The following IL3RA variants were observed in gnomAD, a reference collection of about 807,000 sequenced individuals.
IL3RA encodes interleukin 3 receptor subunit alpha.
Under a neutral mutation model 52.3 loss-of-function variants are expected in IL3RA, and 73 were observed. That is an observed-to-expected ratio of 1.40 (90% CI 1.16 to 1.70). IL3RA has a LOEUF of 1.70. IL3RA is among the 40% of genes most tolerant of loss of function. IL3RA has a pLI of 0.00. For missense variants in IL3RA, 664 were observed against 504.4 expected (o/e 1.32, Z -3.03); for synonymous variants, 260 against 194.0 (o/e 1.34, Z -2.83).
In IL3RA at chrX:1,353,863, A is replaced by G. The variant is rs1252084970; in HGVS notation, c.616+1357A>G. On this transcript the variant is annotated intron_variant, in intron 6 of 11. Coordinates refer to ENST00000331035, the MANE Select transcript of IL3RA (RefSeq NM_002183.4). ...GGGAACCCCCATCATGGGTTTCATC[A>G]TGGGTCATAGGATCCCCTATCATGG... is the stretch of plus-strand genomic sequence containing the variant. Among the ~76,000 whole-genome samples the G allele has an allele frequency of 4.1e-5, 5 of 120,722 alleles. No homozygotes were observed. In the East Asian group the frequency reaches 1.3e-3, roughly 31 times the overall value. The allele number at this position is 120,722 out of a possible 152,430, so 79.2% of individuals were successfully genotyped here.
intron 6 of IL3RA, among the ~76,000 whole-genome samples, chrX:1,353,189 A>AC (rs1206069951): frequency 1.2e-3 from 152 of 123,658 alleles, no homozygotes; most frequent in South Asian, 5.2e-3. Context: ...GGGTCATGGG[A>AC]CCCCCCATCA....
chrX:1,382,646 G>T lies in IL3RA; in HGVS notation c.*181G>T, dbSNP rs187374923. 11 of 632,772 alleles carry T rather than the reference G, an allele frequency of 1.7e-5. No individual in the cohort carries two copies. The highest frequency in any genetic ancestry group is 1.7e-4 in the African/African-American group (9 of 53,922). 39.2% of individuals were successfully genotyped at this position (632,772 alleles called of 1,614,324 possible). ...CTGCCAGGAAGAAGAACAGAACTTT[G>T]TGTGTTTATTTCATGATAAAGTGAT... On this transcript the variant is annotated 3_prime_UTR_variant, in exon 12 of 12. Transcript: ENST00000331035.
At chrX:1,342,967 C>T (rs1339763748) in intron 2 of IL3RA, among the ~76,000 whole-genome samples, 6 of 151,614 alleles carry the variant, frequency 4.0e-5, no homozygotes, top group South Asian at 2.1e-4. Flanking sequence ...CCCAGTTACT[C>T]GGGAGGCTGA....
rs776245563 is a variant in IL3RA at position 1,347,211 on chromosome X, C to T, written c.184-1220C>T. ...CCTGTCATCCCAGCACTTTGGAGGC[C>T]GAGGCGGGTGGATCACGAGGTCAGG... On this transcript the variant is annotated intron_variant, in intron 3 of 11. Coordinates refer to ENST00000331035, the MANE Select transcript of IL3RA (RefSeq NM_002183.4). Among the ~76,000 whole-genome samples, 14 of 151,276 alleles carry T rather than the reference C, an allele frequency of 9.3e-5. No homozygotes were observed. In the South Asian group the frequency reaches 1.0e-3, roughly 11 times the overall value.
intron 11 of IL3RA, 65 bp downstream of exon 11, chrX:1,381,169 C>T (rs1307925164): frequency 2.6e-5 from 38 of 1,437,162 alleles, no homozygotes; most frequent in Middle Eastern, 1.8e-4. Context: ...GAGGCCCAGG[C>T]GGGCGGACCA....
At position 1,378,671 on chromosome X, in the gene IL3RA, A is replaced by C; in HGVS notation, c.887A>C (p.Glu296Ala). The C allele has an allele frequency of 6.2e-7, 1 of 1,612,358 alleles. No individual in the cohort carries two copies. The highest frequency in any genetic ancestry group is 8.5e-7 in the Non-Finnish European group (1 of 1,179,684). Reference sequence around the variant, plus strand: ...CCTTTACCCCTAGAGTGCGACCAGGAGGAGGGCGCAAACACACGTGCCTGG... The same window carrying C: ...CCTTTACCCCTAGAGTGCGACCAGGCGGAGGGCGCAAACACACGTGCCTGG... The part of the protein sequence containing the change: ...STPQRFECDQ[E>A]EGANTRAWRT... Residue 296 changes from glutamate to alanine, a missense_variant, in exon 10 of 12, where the codon GAG becomes GCG. Coordinates refer to ENST00000331035, the MANE Select transcript of IL3RA (RefSeq NM_002183.4).
At chrX:1,359,854 T>A (rs1311274711) in intron 8 of IL3RA, among the ~76,000 whole-genome samples, 2 of 141,630 alleles carry the variant, frequency 1.4e-5, no homozygotes, top group Non-Finnish European at 3.1e-5. Context: ...CCCCTCCCCA[T>A]CTCTTTCTCT....
chrX:1,341,015 G>A (rs1248869673), intron 1 of IL3RA, among the ~76,000 whole-genome samples: 3 of 152,144 alleles, frequency 2.0e-5, no homozygotes, highest in African/African-American at 7.2e-5. Context: ...TACTCGGGAG[G>A]CTGAGGCAGG....
At chrX:1,366,584 AGCGGGGTGCGCGGTGC>A (rs2088069999) in intron 9 of IL3RA, among the ~76,000 whole-genome samples, 2 of 20,510 alleles carry the variant, frequency 9.8e-5, no homozygotes, top group Non-Finnish European at 1.4e-4. Flanking sequence ...GAGCGGGGTG[AGCGGGGTGCGCGGTGC>A]GCGGGGTGAG....
At position 1,352,221 on chromosome X, in the gene IL3RA, G is replaced by C; in HGVS notation, c.420G>C (p.Leu140Phe). The C allele has an allele frequency of 6.2e-7, 1 of 1,613,692 alleles. No homozygotes were observed. The highest frequency in any genetic ancestry group is 8.5e-7 in the Non-Finnish European group (1 of 1,179,768). The change falls in exon 5 of 12, where the codon TTG becomes TTC. Residue 140 changes from leucine to phenylalanine, a missense_variant. Transcript: ENST00000331035. ...APADVQYDLY[L>F]NVANRRQQYE... is the part of the protein sequence containing the mutation. ...CGGACGTCCAGTACGACCTGTACTTGAACGTTGCCAAGTAGGTGTGCCCGT... is the reference window on the plus strand; with the variant it reads ...CGGACGTCCAGTACGACCTGTACTTCAACGTTGCCAAGTAGGTGTGCCCGT...
At chrX:1,378,617 G>A (rs1385958381) in intron 9 of IL3RA, 42 bp from the exon 10 acceptor site, 1 of 1,554,646 alleles carries the variant, frequency 6.4e-7, no homozygotes, top group Admixed American at 1.7e-5. Context: ...GGTCCCCCCA[G>A]GACGGCCCCC....
intron 4 of IL3RA, among the ~76,000 whole-genome samples, chrX:1,348,758 TCTTTC>T (rs2085936444): frequency 1.4e-5 from 2 of 142,414 alleles, no homozygotes; most frequent in Non-Finnish European, 1.6e-5. Context: ...TTCTTTCCTC[TCTTTC>T]TTTTCTTTCT....
At position 1,352,415 on chromosome X, in the gene IL3RA, C is replaced by T. The variant is rs757844629; in HGVS notation, c.525C>T (p.Ser175=). ...TCGATGACATCTCTCGACTCTCCAG[C>T]GGTTCTCAAAGTTCCCACATCCTGG... The part of the protein sequence containing the change: ...CRFDDISRLS[S]GSQSSHILVR... The change falls in exon 6 of 12, where the codon AGC becomes AGT. Residue 175 remains serine, a synonymous_variant. Coordinates refer to ENST00000331035, the MANE Select transcript of IL3RA (RefSeq NM_002183.4). 6 of 1,613,852 alleles carry T rather than the reference C, an allele frequency of 3.7e-6. No individual in the cohort carries two copies. The highest frequency in any genetic ancestry group is 2.2e-5 in the East Asian group (1 of 44,884).
At chrX:1,361,716 G>A (rs188184366) in intron 8 of IL3RA, among the ~76,000 whole-genome samples, 1 of 140,472 alleles carries the variant, frequency 7.1e-6, no homozygotes, top group East Asian at 2.1e-4. Flanking sequence ...TCGCGCCACT[G>A]CACTCCAGCC....
At chrX:1,350,176 C>T (rs1464292203) in intron 4 of IL3RA, among the ~76,000 whole-genome samples, 43 of 151,914 alleles carry the variant, frequency 2.8e-4, no homozygotes, top group African/African-American at 9.7e-4. Flanking sequence ...TTGGGGAGGC[C>T]GGGCGCAGTG....
At position 1,352,111 on chromosome X, in the gene IL3RA, TG is replaced by T. The variant is rs2086114870; in HGVS notation, c.313del (p.Ala105GlnfsTer6). On this transcript the variant is annotated frameshift_variant, in exon 5 of 12. Transcript: ENST00000331035. LOFTEE classifies it high-confidence loss of function. ...GTTTGTGAACCCAGGTGGGAAGCCT[TG>T]GGCAGGTGCGGAGAATCTGACCTGC... ...ILFPENSGKP[W>X]AGAENLTCWI... 5 of 1,613,758 alleles carry T rather than the reference TG, an allele frequency of 3.1e-6. No homozygotes were observed. The highest frequency in any genetic ancestry group is 4.2e-6 in the Non-Finnish European group (5 of 1,179,814).
intron 6 of IL3RA, among the ~76,000 whole-genome samples, chrX:1,353,943 A>ACCCCC (rs762596930): frequency 4.7e-5 from 2 of 42,808 alleles, no homozygotes; most frequent in Non-Finnish European, 9.2e-5. Flanking sequence ...GGGTCATGGG[A>ACCCCC]CCCCCCCCCC....
chrX:1,376,766 G>A (rs759986474), intron 9 of IL3RA, among the ~76,000 whole-genome samples: 1 of 55,576 alleles, frequency 1.8e-5, no homozygotes, highest in Non-Finnish European at 3.1e-5. Flanking sequence ...TTTCTAAGCC[G>A]CCCAGCCTCT....
In IL3RA at chrX:1,358,913, T is replaced by C. The variant is rs750833555; in HGVS notation, c.759+26T>C. On this transcript the variant is annotated intron_variant, in intron 8 of 11. Transcript: ENST00000331035. ...GTGAGTGTTCCCTACCCCCAGCCGC[T>C]GTACTTGACATTGCAAAGGGTGAGT... The C allele has an allele frequency of 1.2e-5, 19 of 1,589,684 alleles. No individual in the cohort carries two copies. In the African/African-American group the frequency reaches 2.3e-4, roughly 19 times the overall value.
Sources: allele counts gnomAD v4.1 joint callset (sites outside exome capture counted in the v4.1 genomes callset), GRCh38; gene constraint gnomAD v4.1.1; transcripts MANE v1.5; gene names NCBI Gene and HGNC (gene_info 2026-07-23, HGNC 2026-07-21).